The following TNNI3K variants were observed in gnomAD, a reference collection of about 807,000 sequenced individuals.
TNNI3K encodes serine/threonine-protein kinase TNNI3K.
A neutral mutation model predicts 114.5 loss-of-function variants in TNNI3K; 140 were observed. That is an observed-to-expected ratio of 1.22 (90% confidence interval 1.07 to 1.41). The LOEUF (loss-of-function observed/expected upper bound fraction) is 1.41. Ranked by LOEUF, TNNI3K falls within the 40% of genes most tolerant of loss-of-function variation. TNNI3K has a pLI of 0.00. For synonymous variants in TNNI3K, 347 were observed against 347.5 expected, an observed-to-expected ratio of 1.00 and a Z score of 0.02; for missense variants, 1,125 against 1,007.6, an observed-to-expected ratio of 1.12 and a Z score of -1.58.
intron 5 of TNNI3K, among the ~76,000 whole-genome samples, chr1:74,282,416 C>G (rs1292302474): frequency 3.9e-5 from 6 of 152,044 alleles, no homozygotes; most frequent in African/African-American, 1.4e-4. Flanking sequence ...GATGCATTCG[C>G]TGTATGTTAA....
At chr1:74,412,684 A>G (rs35305947) in intron 17 of TNNI3K, among the ~76,000 whole-genome samples, 2,893 of 152,164 alleles carry the variant, frequency 0.019, 45 homozygotes, top group Middle Eastern at 0.065. Context: ...GCGTGATCTC[A>G]GTTCACTGGA....
chr1:74,358,698 T>C (rs1661788727), intron 11 of TNNI3K, among the ~76,000 whole-genome samples: 1 of 152,026 alleles, frequency 6.6e-6, no homozygotes, highest in Non-Finnish European at 1.5e-5. Context: ...AAGGAATCCA[T>C]GTGTGAATTT....
chr1:74,274,543 AT>A (rs1267474764), intron 5 of TNNI3K, among the ~76,000 whole-genome samples: 1 of 152,040 alleles, frequency 6.6e-6, no homozygotes. Context: ...TAAGACATAG[AT>A]TTTTCCCCTA....
At chr1:74,365,103 T>C (rs1179593222) in intron 11 of TNNI3K, among the ~76,000 whole-genome samples, 2 of 152,020 alleles carry the variant, frequency 1.3e-5, no homozygotes, top group Non-Finnish European at 2.9e-5. Context: ...GTAAAAGCAG[T>C]GACAAGACCC....
At chr1:74,525,708 T>G (rs1002391194) in intron 23 of TNNI3K, among the ~76,000 whole-genome samples, 2 of 152,148 alleles carry the variant, frequency 1.3e-5, no homozygotes, top group African/African-American at 4.8e-5. Flanking sequence ...CATGGAGGCC[T>G]GGATGTGCAC....
intron 22 of TNNI3K, among the ~76,000 whole-genome samples, chr1:74,489,513 A>T (rs1249775652): frequency 6.6e-6 from 1 of 152,242 alleles, no homozygotes; most frequent in Non-Finnish European, 1.5e-5. Context: ...TTAAAAATTG[A>T]TAAGTAAAAA....
chr1:74,239,893 G>A (rs987365155), intron 2 of TNNI3K: 5 of 464,928 alleles, frequency 1.1e-5, no homozygotes, highest in African/African-American at 4.0e-5. Context: ...AAATGGAAAT[G>A]GAATGTTCTT....
intron 24 of TNNI3K, 41 bp downstream of exon 24, chr1:74,540,354 C>T: frequency 1.3e-6 from 2 of 1,579,546 alleles, no homozygotes; most frequent in Non-Finnish European, 1.7e-6. Flanking sequence ...GAAAACTACC[C>T]CTAGGAAGGT....
intron 17 of TNNI3K, among the ~76,000 whole-genome samples, chr1:74,407,079 T>C (rs1664650622): frequency 6.6e-6 from 1 of 152,200 alleles, no homozygotes; most frequent in Non-Finnish European, 1.5e-5. Context: ...AGGATTAACA[T>C]GTATATTTGA....
intron 18 of TNNI3K, 130 bp downstream of exon 18, chr1:74,436,262 C>G (rs1478283064): frequency 7.8e-7 from 1 of 1,282,494 alleles, no homozygotes; most frequent in Non-Finnish European, 1.1e-6. Flanking sequence ...GACAGCTATC[C>G]TACCATAAAT....
chr1:74,376,983 A>G (rs1273183149), intron 17 of TNNI3K: 1 of 152,072 alleles, frequency 6.6e-6, no homozygotes, highest in Non-Finnish European at 1.5e-5. Context: ...GTTTGGCTGC[A>G]CAGTATCTAA....
intron 23 of TNNI3K, among the ~76,000 whole-genome samples, chr1:74,497,712 T>G (rs1669402045): frequency 6.6e-6 from 1 of 152,186 alleles, no homozygotes; most frequent in Admixed American, 6.5e-5. Context: ...TCTCTCCTGT[T>G]CCAGCTTCCT....
intron 17 of TNNI3K, among the ~76,000 whole-genome samples, chr1:74,397,654 T>C (rs1001676801): frequency 1.1e-4 from 17 of 152,194 alleles, no homozygotes; most frequent in Admixed American, 4.6e-4. Context: ...TGTTTAGATA[T>C]CAGAGTGTCA....
chr1:74,483,269 A>G (rs1215140963), intron 21 of TNNI3K: 4 of 717,270 alleles, frequency 5.6e-6, no homozygotes, highest in Non-Finnish European at 1.0e-5. Flanking sequence ...TACCTACTAT[A>G]TAGGTTAGCT....
chr1:74,441,796 G>A (rs1457238671), intron 20 of TNNI3K, among the ~76,000 whole-genome samples: 1 of 152,060 alleles, frequency 6.6e-6, no homozygotes, highest in East Asian at 1.9e-4. Flanking sequence ...TCTGTGAAAT[G>A]TTTGTTTAAA....
Position 74,543,955 on chromosome 1 carries a change from T to C in TNNI3K, c.2481T>C (p.Asn827=). 6.2e-7 allele frequency: 1 copy of C among 1,613,364 alleles called. No individual in the cohort carries two copies. Among genetic ancestry groups the C allele is most frequent in the Non-Finnish European group, 8.5e-7 (1 of 1,179,716 alleles). The change falls in exon 25 of 25, where the codon AAT becomes AAC. Residue 827 remains asparagine (N), a synonymous_variant. Transcript: ENST00000326637. ...CAATGCATTTTCATTCTTGCCGAAA[T>C]AGTAGCAGCTTTGAGGACAGCAGCT... ...MSSMHFHSCR[N]SSSFEDSS
At chr1:74,541,672 A>G (rs747926287) in intron 24 of TNNI3K, 1 of 152,210 alleles carries the variant, frequency 6.6e-6, no homozygotes, top group Non-Finnish European at 1.5e-5. Flanking sequence ...GAATTCCCCC[A>G]AGATGGAGAA....
At chr1:74,347,358 C>G (rs1341335538) in intron 9 of TNNI3K, among the ~76,000 whole-genome samples, 2 of 151,968 alleles carry the variant, frequency 1.3e-5, no homozygotes, top group Non-Finnish European at 2.9e-5. Context: ...GCATAGTATT[C>G]CATGGTGTAT....
At chr1:74,264,669 G>C (rs1655864911) in intron 4 of TNNI3K, among the ~76,000 whole-genome samples, 1 of 151,926 alleles carries the variant, frequency 6.6e-6, no homozygotes, top group Admixed American at 6.6e-5. Flanking sequence ...TGACACTTCA[G>C]GGAATATTAG....
Sources: gnomAD v4.1 joint callset for allele counts (sites outside exome capture counted in the v4.1 genomes callset) on GRCh38, gnomAD v4.1.1 for gene constraint, MANE v1.5 for transcripts, NCBI Gene and HGNC (gene_info 2026-07-23, HGNC 2026-07-21) for gene names.